The following CLVS1 variants were observed in gnomAD, a reference collection of about 807,000 sequenced individuals.
CLVS1 encodes the protein clavesin 1.
In CLVS1, 10 loss-of-function variants were observed where a neutral mutation model predicts 33.1. The ratio of observed to expected loss-of-function variants is 0.30; its 90% CI spans 0.19 to 0.51. The LOEUF (loss-of-function observed/expected upper bound fraction) is 0.51. Among genes scored for constraint, CLVS1 ranks in the 20% least tolerant of loss-of-function variants. The probability of loss-of-function intolerance (pLI) is 0.97; values close to 1 mark genes in which losing one functional copy is unlikely to be tolerated. For synonymous variants in CLVS1, 163 were observed against 166.1 expected, an observed-to-expected ratio of 0.98 and a Z score of 0.14; for missense variants, 343 against 433.4, an observed-to-expected ratio of 0.79 and a Z score of 1.85.
At chr8:61,138,486 A>G (rs551693733) in intron 2 of CLVS1, among the ~76,000 whole-genome samples, 10 of 152,326 alleles carry the variant, frequency 6.6e-5, no homozygotes, top group African/African-American at 2.4e-4. Context: ...AGTGCTTACC[A>G]CGTGCCAGGC....
chr8:61,132,906 C>T (rs1040317809), intron 2 of CLVS1, among the ~76,000 whole-genome samples: 7 of 152,212 alleles, frequency 4.6e-5, no homozygotes, highest in African/African-American at 1.7e-4. Context: ...ACCATCATTG[C>T]TGCTCTGTGC....
chr8:61,026,408 C>T, the CLVS1 span, among the ~76,000 whole-genome samples: 24 of 152,312 alleles, frequency 1.6e-4, no homozygotes, highest in East Asian at 3.9e-4. Context: ...CAGTCTGTGA[C>T]GCTTTGTTAT....
chr8:61,499,445 C>T lies in CLVS1; in HGVS notation c.978-10C>T, dbSNP rs2129609054. 1.2e-6 allele frequency: 2 copies of T among 1,601,786 alleles called. No individual in the cohort carries two copies. The highest frequency in any genetic ancestry group is 8.6e-7 in the Non-Finnish European group (1 of 1,169,000). ...TTGTAATTCTGTCTTTTTCCCTCCCCTCTTGTTAGATCTCAGTCTGTGGTA... is the reference window on the plus strand; with the variant it reads ...TTGTAATTCTGTCTTTTTCCCTCCCTTCTTGTTAGATCTCAGTCTGTGGTA... On this transcript the variant is annotated splice_polypyrimidine_tract_variant and intron_variant, in intron 5 of 5. Transcript: ENST00000325897.
chr8:60,984,437 C>T, the CLVS1 span, among the ~76,000 whole-genome samples: 1 of 151,850 alleles, frequency 6.6e-6, no homozygotes, highest in South Asian at 2.1e-4. Context: ...TCTCCAGCCT[C>T]AGCCTCCTGA....
At chr8:61,073,877 T>G (rs1285252108) in intron 1 of CLVS1, among the ~76,000 whole-genome samples, 2 of 151,410 alleles carry the variant, frequency 1.3e-5, no homozygotes, top group Non-Finnish European at 2.9e-5. Flanking sequence ...CCGGGCTAGG[T>G]GGCGGGCGCC....
intron 1 of CLVS1, among the ~76,000 whole-genome samples, chr8:61,105,108 G>A (rs1381742530): frequency 6.6e-6 from 1 of 152,130 alleles, no homozygotes; most frequent in Non-Finnish European, 1.5e-5. Context: ...GGAATTACAG[G>A]CATGAGCCAC....
chr8:61,446,753 G>GA (rs1228877333), intron 3 of CLVS1, among the ~76,000 whole-genome samples: 1 of 150,934 alleles, frequency 6.6e-6, no homozygotes, highest in Non-Finnish European at 1.5e-5. Context: ...TTTCAAGGGA[G>GA]AAAAAAACAT....
At chr8:61,420,726 C>T (rs7003851) in intron 3 of CLVS1, among the ~76,000 whole-genome samples, 3,640 of 152,120 alleles carry the variant, frequency 0.024, 152 homozygotes, top group African/African-American at 0.083. Flanking sequence ...TCCAGCACTT[C>T]GGTAGGCTGA....
chr8:61,296,288 A>G (rs964141708), intron 1 of CLVS1, among the ~76,000 whole-genome samples: 1 of 152,226 alleles, frequency 6.6e-6, no homozygotes, highest in Non-Finnish European at 1.5e-5. Context: ...GAATAAAGAT[A>G]TAGATTGAAG....
chr8:61,001,968 T>G, the CLVS1 span, among the ~76,000 whole-genome samples: 1 of 151,742 alleles, frequency 6.6e-6, no homozygotes, highest in African/African-American at 2.4e-5. Context: ...AAGCATGTTG[T>G]GCCTTCAATC....
intron 5 of CLVS1, 85 bp from the exon 6 acceptor site, chr8:61,499,370 T>TAAATA: frequency 1.1e-6 from 1 of 942,418 alleles, no homozygotes; most frequent in South Asian, 1.4e-5. Context: ...AAAAGAGAAA[T>TAAATA]ATAAAATCCG....
At chr8:60,997,266 A>G in the CLVS1 span, among the ~76,000 whole-genome samples, 1 of 152,116 alleles carries the variant, frequency 6.6e-6, no homozygotes, top group Non-Finnish European at 1.5e-5. Flanking sequence ...AATGATGAGA[A>G]GCCCTCAAAG....
rs192435304 is a variant in CLVS1, at chr8:61,175,706, A to C, written c.-152+43846A>C. ...CCAAGGAATGCCAAGGATTGCCAGC[A>C]ACCACCAGAAGCTAGGAGAAGTGAG... On this transcript the variant is annotated intron_variant, in intron 2 of 2. Coordinates refer to the CLVS1 transcript ENST00000522621. Among the ~76,000 whole-genome samples the C allele has an allele frequency of 4.7e-4, 72 of 152,352 alleles. No individual in the cohort carries two copies. In the South Asian group the frequency reaches 6.8e-3, roughly 14 times the overall value.
chr8:61,488,690 T>C (rs1803962591), intron 5 of CLVS1, among the ~76,000 whole-genome samples: 1 of 152,228 alleles, frequency 6.6e-6, no homozygotes, highest in South Asian at 2.1e-4. Flanking sequence ...GTGGAGAATA[T>C]GGCAATCATT....
At chr8:61,297,956 C>T (rs1195351840) in intron 1 of CLVS1, among the ~76,000 whole-genome samples, 2 of 152,140 alleles carry the variant, frequency 1.3e-5, no homozygotes, top group African/African-American at 4.8e-5. Context: ...AAAATGATAT[C>T]TATTAGTAGA....
chr8:61,193,779 C>T (rs1006743427), intron 2 of CLVS1, among the ~76,000 whole-genome samples: 1 of 151,796 alleles, frequency 6.6e-6, no homozygotes, highest in South Asian at 2.1e-4. Flanking sequence ...AAAACACACT[C>T]TAATAGAAAG....
Position 61,122,801 on chromosome 8 carries a change from C to CAAATAAATGACACAACA in CLVS1, c.-242-8969_-242-8968insAAATAAATGACACAACA, listed in dbSNP as rs1554537391. 8.7e-4 allele frequency among the ~76,000 whole-genome samples: 127 copies of CAAATAAATGACACAACA among 146,590 alleles called. 6 individuals carry two copies. Among genetic ancestry groups the CAAATAAATGACACAACA allele is most frequent in the Middle Eastern group, 7.4e-3 (2 of 272 alleles). ...AAGGTGCTTTTGACCAGCTTCAATC[C>CAAATAAATGACACAACA]TTTCCCAGCTCTCTGGCTCCTTTGC... On this transcript the variant is annotated intron_variant, in intron 1 of 2. Transcript: ENST00000522621.
intron 2 of CLVS1, among the ~76,000 whole-genome samples, chr8:61,227,404 T>G (rs538365687): frequency 6.6e-6 from 1 of 152,200 alleles, no homozygotes; most frequent in South Asian, 2.1e-4. Context: ...AGTCCTTTGA[T>G]GTACCCTGAG....
chr8:61,189,050 C>A (rs937679436), intron 2 of CLVS1, among the ~76,000 whole-genome samples: 7 of 152,178 alleles, frequency 4.6e-5, no homozygotes, highest in African/African-American at 1.7e-4. Context: ...TCGAGAAGAG[C>A]AACTCCAAGA....
Sources: gnomAD v4.1 joint callset for allele counts (sites outside exome capture counted in the v4.1 genomes callset) on GRCh38, gnomAD v4.1.1 for gene constraint, MANE v1.5 for transcripts, NCBI Gene and HGNC (gene_info 2026-07-23, HGNC 2026-07-21) for gene names.